The following NCK2 variants were observed in gnomAD, a reference collection of about 807,000 sequenced individuals.
The protein encoded by NCK2 is NCK adaptor protein 2.
In NCK2, 16 loss-of-function variants were observed where a neutral mutation model predicts 33.9. That is an observed-to-expected ratio of 0.47 (90% CI 0.32 to 0.72). The LOEUF (loss-of-function observed/expected upper bound fraction) is 0.72, where lower values mean the gene tolerates loss of function less well. Ranked by LOEUF, NCK2 falls within the 30% of genes least tolerant of loss-of-function variation. The pLI is 0.03. For synonymous variants in NCK2, 273 were observed against 239.9 expected (o/e 1.14, Z -1.27); for missense variants, 418 against 537.3 (o/e 0.78, Z 2.19).
At chr2:105,809,526 A>C (rs1294390845) in intron 1 of NCK2, among the ~76,000 whole-genome samples, 1 of 152,208 alleles carries the variant, frequency 6.6e-6, no homozygotes, top group Non-Finnish European at 1.5e-5. Flanking sequence ...TTAAAAGGCC[A>C]GCAGTCCTAT....
At chr2:105,744,732 G>A (rs1270162527), upstream of NCK2, among the ~76,000 whole-genome samples, 3 of 150,784 alleles carry the variant, frequency 2.0e-5, no homozygotes, top group Non-Finnish European at 3.0e-5. Context: ...GGCGCCCCAG[G>A]TGGGTCTCGG....
chr2:105,819,170 C>G lies in NCK2; in HGVS notation c.-17+2557C>G, dbSNP rs537827817. 1.2e-3 allele frequency among the ~76,000 whole-genome samples: 178 copies of G among 152,248 alleles called. 1 individual carries two copies. The highest frequency in any genetic ancestry group is 4.1e-3 in the African/African-American group (172 of 41,530). ...TTCACCCCAGCCATTGTTGGCTCTT[C>G]TAGCTTTGGGTCCCCTCATGCATTC... On this transcript the variant is annotated intron_variant, in intron 2 of 4. Transcript: ENST00000233154.
At chr2:105,766,318 G>A (rs1689948202) in intron 1 of NCK2, among the ~76,000 whole-genome samples, 1 of 152,056 alleles carries the variant, frequency 6.6e-6, no homozygotes, top group Non-Finnish European at 1.5e-5. Context: ...CCTCTTTTAG[G>A]TTTTCTTTTT....
chr2:105,806,238 C>CA (rs58699924), intron 1 of NCK2, among the ~76,000 whole-genome samples: 58 of 135,980 alleles, frequency 4.3e-4, no homozygotes, highest in African/African-American at 1.7e-3. Context: ...CATTTTCTTT[C>CA]TTTTTTTTTT....
At chr2:105,800,589 G>A (rs1379641878) in intron 1 of NCK2, among the ~76,000 whole-genome samples, 1 of 152,094 alleles carries the variant, frequency 6.6e-6, no homozygotes, top group Non-Finnish European at 1.5e-5. Context: ...GCTGACATGG[G>A]GTTAGTCTCA....
At chr2:105,892,947 G>A (rs763813415) in intron 4 of NCK2, 35 bp from the exon 5 acceptor site, 18 of 1,570,472 alleles carry the variant, frequency 1.1e-5, no homozygotes, top group Non-Finnish European at 1.3e-5. Flanking sequence ...TCCCCGCTGT[G>A]GCCCGGCTGT....
At chr2:105,863,493 T>C (rs1227206518) in intron 3 of NCK2, among the ~76,000 whole-genome samples, 2 of 152,234 alleles carry the variant, frequency 1.3e-5, no homozygotes, top group Admixed American at 6.5e-5. Context: ...AACAGTGTAA[T>C]AGGGTGTGTT....
chr2:105,853,115 A>T (rs1677129006), intron 2 of NCK2, among the ~76,000 whole-genome samples: 1 of 152,138 alleles, frequency 6.6e-6, no homozygotes, highest in African/African-American at 2.4e-5. Context: ...CAATAATGAG[A>T]ACTTCTCTGT....
At position 105,749,997 on chromosome 2, in the gene NCK2, T is replaced by TCCAG. The variant is rs374645392; in HGVS notation, c.-201+4861_-201+4862insAGCC. 3.6e-3 allele frequency among the ~76,000 whole-genome samples: 534 copies of TCCAG among 148,218 alleles called. 6 individuals carry two copies. Among genetic ancestry groups the TCCAG allele is most frequent in the African/African-American group, 0.012 (481 of 40,632 alleles). Reference sequence around the variant, plus strand: ...GTGAGCCAAGATCACACCACTGCACTCCTGGGTGACAGCGTGAGACCCTGT... The same window carrying TCCAG: ...GTGAGCCAAGATCACACCACTGCACTCCAGCCTGGGTGACAGCGTGAGACCCTGT... On this transcript the variant is annotated intron_variant, in intron 1 of 4. Transcript: ENST00000233154.
chr2:105,788,752 C>G (rs991509678), intron 1 of NCK2, among the ~76,000 whole-genome samples: 1 of 151,946 alleles, frequency 6.6e-6, no homozygotes, highest in Non-Finnish European at 1.5e-5. Context: ...CTCCTTCATT[C>G]GTTTTCTTCA....
intron 2 of NCK2, among the ~76,000 whole-genome samples, chr2:105,849,870 G>C (rs1205033404): frequency 1.3e-5 from 2 of 152,172 alleles, no homozygotes; most frequent in East Asian, 3.9e-4. Context: ...CATTATGACT[G>C]TAGTTGCCAT....
In NCK2 at chr2:105,873,260, C is replaced by T. The variant is rs114913318; in HGVS notation, c.227-8068C>T. Among the ~76,000 whole-genome samples the T allele has an allele frequency of 5.3e-3, 810 of 152,336 alleles. 7 individuals are homozygous for T. Among genetic ancestry groups the T allele is most frequent in the African/African-American group, 0.019 (787 of 41,568 alleles). ...TCTCATGAGCCACTCTCAGGATGTTCTCTGACCACTGTGCCTAAGATACTG... is the reference window on the plus strand; with the variant it reads ...TCTCATGAGCCACTCTCAGGATGTTTTCTGACCACTGTGCCTAAGATACTG... On this transcript the variant is annotated intron_variant, in intron 3 of 4. Transcript: ENST00000233154.
intron 3 of NCK2, among the ~76,000 whole-genome samples, chr2:105,867,433 A>G (rs1677807605): frequency 7.3e-6 from 1 of 137,080 alleles, no homozygotes; most frequent in South Asian, 2.6e-4. Context: ...CCCAAAATAA[A>G]TGTGGGTTTG....
rs1179850919 is a variant in NCK2, at chr2:105,756,889, C to T, written c.-201+11751C>T. Among the ~76,000 whole-genome samples the T allele has an allele frequency of 9.9e-5, 15 of 152,154 alleles. No individual in the cohort carries two copies. In the East Asian group the frequency reaches 2.7e-3, roughly 27 times the overall value. On this transcript the variant is annotated intron_variant, in intron 1 of 4. Transcript: ENST00000233154. ...GCACGATCTTGGCTCATCACAACCT[C>T]CCCCCTCCTGGGTTCAAGTGATTCT...
chr2:105,825,127 C>G (rs192444546), intron 2 of NCK2, among the ~76,000 whole-genome samples: 2 of 152,236 alleles, frequency 1.3e-5, no homozygotes, highest in East Asian at 3.9e-4. Context: ...CTTTGGAGCT[C>G]TGTGAGTCCA....
chr2:105,864,395 C>G (rs4851879), intron 3 of NCK2, among the ~76,000 whole-genome samples: 20 of 152,064 alleles, frequency 1.3e-4, no homozygotes, highest in Admixed American at 1.2e-3. Flanking sequence ...GGATGGGGAA[C>G]ACCTCGGAGA....
intron 3 of NCK2, among the ~76,000 whole-genome samples, chr2:105,861,903 TCCTCCCTCCCTCCCTCCCTC>T (rs148839655): frequency 7.8e-5 from 9 of 114,882 alleles, no homozygotes; most frequent in South Asian, 2.9e-4. Flanking sequence ...TGGAATTCTT[TCCTCCCTCCCTCCCTCCCTC>T]CCTCCCTCCC....
chr2:105,879,571 A>G (rs905914738), intron 3 of NCK2, among the ~76,000 whole-genome samples: 9 of 152,282 alleles, frequency 5.9e-5, no homozygotes, highest in African/African-American at 2.2e-4. Context: ...ATGCACATGC[A>G]TAAAATGTGG....
intron 3 of NCK2, among the ~76,000 whole-genome samples, chr2:105,877,158 T>G (rs1431088309): frequency 9.2e-5 from 14 of 152,160 alleles, no homozygotes; most frequent in Non-Finnish European, 1.0e-4. Flanking sequence ...AAAGGCCACC[T>G]GCACTCTTGG....
Sources: allele counts gnomAD v4.1 joint callset (sites outside exome capture counted in the v4.1 genomes callset), GRCh38; gene constraint gnomAD v4.1.1; transcripts MANE v1.5; gene names NCBI Gene and HGNC (gene_info 2026-07-23, HGNC 2026-07-21).